The following CACNG3 variants were observed in gnomAD, a reference collection of about 807,000 sequenced individuals.
CACNG3 encodes calcium voltage-gated channel auxiliary subunit gamma 3, also known as voltage-dependent calcium channel gamma-3 subunit.
CACNG3 carries 3 observed loss-of-function variants against 28.5 expected under a neutral mutation model. The ratio of observed to expected loss-of-function variants is 0.11; its 90% CI spans 0.05 to 0.27. CACNG3 has a LOEUF of 0.27. CACNG3 is among the 10% of genes least tolerant of loss of function. The pLI is 1.00. For missense variants in CACNG3, 236 were observed against 414.4 expected (o/e 0.57, Z 3.74); for synonymous variants, 174 against 162.2 (o/e 1.07, Z -0.55).
chr16:24,352,872 C>T (rs1205239445), intron 2 of CACNG3, among the ~76,000 whole-genome samples: 6 of 152,142 alleles, frequency 3.9e-5, no homozygotes, highest in Non-Finnish European at 8.8e-5. Context: ...ACCCGTTACA[C>T]GGGGCTCAGC....
At chr16:24,266,010 G>A (rs951880767) in intron 1 of CACNG3, among the ~76,000 whole-genome samples, 1 of 151,892 alleles carries the variant, frequency 6.6e-6, no homozygotes, top group East Asian at 1.9e-4. Context: ...CTTTTTTCTT[G>A]CACCATCTGC....
At chr16:24,257,756 T>C (rs1293081611) in intron 1 of CACNG3, among the ~76,000 whole-genome samples, 1 of 152,194 alleles carries the variant, frequency 6.6e-6, no homozygotes, top group East Asian at 1.9e-4. Flanking sequence ...TCTCCAAGAA[T>C]TGCAGTTCGT....
chr16:24,293,379 C>T (rs1431901069), intron 1 of CACNG3, among the ~76,000 whole-genome samples: 1 of 152,102 alleles, frequency 6.6e-6, no homozygotes, highest in Non-Finnish European at 1.5e-5. Context: ...CCTTGCCCCT[C>T]TACTTGACAG....
At chr16:24,351,940 T>C (rs1404963496) in intron 2 of CACNG3, among the ~76,000 whole-genome samples, 1 of 148,474 alleles carries the variant, frequency 6.7e-6, no homozygotes, top group Non-Finnish European at 1.5e-5. Context: ...CTCAGCCTCC[T>C]GAGTAGCTGG....
At chr16:24,279,165 AG>A (rs1555458765) in intron 1 of CACNG3, among the ~76,000 whole-genome samples, 4 of 152,230 alleles carry the variant, frequency 2.6e-5, no homozygotes, top group Non-Finnish European at 5.9e-5. Flanking sequence ...ACTTTATTCT[AG>A]GGGAAACAGA....
At chr16:24,306,138 C>T (rs900846162) in intron 1 of CACNG3, among the ~76,000 whole-genome samples, 2 of 152,236 alleles carry the variant, frequency 1.3e-5, no homozygotes, top group Non-Finnish European at 2.9e-5. Flanking sequence ...CACCCAGTTA[C>T]ACCACAACTC....
intron 3 of CACNG3, among the ~76,000 whole-genome samples, chr16:24,356,335 C>A (rs1192408861): frequency 6.6e-6 from 1 of 152,078 alleles, no homozygotes; most frequent in Non-Finnish European, 1.5e-5. Flanking sequence ...CTGGATCCAC[C>A]AATCAGGCCT....
intron 1 of CACNG3, among the ~76,000 whole-genome samples, chr16:24,279,273 G>A (rs889990421): frequency 1.3e-5 from 2 of 152,088 alleles, no homozygotes; most frequent in African/African-American, 4.8e-5. Context: ...GACATGGACT[G>A]GGGAATGGAA....
intron 1 of CACNG3, among the ~76,000 whole-genome samples, chr16:24,292,727 T>A (rs963202229): frequency 2.6e-5 from 4 of 152,246 alleles, no homozygotes; most frequent in Non-Finnish European, 5.9e-5. Context: ...GAGGACAAAT[T>A]GTTTAAAAGC....
At chr16:24,275,046 G>T (rs939782154) in intron 1 of CACNG3, among the ~76,000 whole-genome samples, 1 of 152,108 alleles carries the variant, frequency 6.6e-6, no homozygotes, top group Non-Finnish European at 1.5e-5. Context: ...GATTGGCAAG[G>T]TTGAAACTAT....
At chr16:24,325,897 T>C (rs1272182332) in intron 1 of CACNG3, among the ~76,000 whole-genome samples, 3 of 152,210 alleles carry the variant, frequency 2.0e-5, no homozygotes, top group Non-Finnish European at 4.4e-5. Context: ...CCATTTCAAA[T>C]AAGCGTAAGC....
At chr16:24,269,421 C>T (rs545156737) in intron 1 of CACNG3, among the ~76,000 whole-genome samples, 1 of 152,234 alleles carries the variant, frequency 6.6e-6, no homozygotes, top group East Asian at 1.9e-4. Context: ...GTTTACAATT[C>T]AGCAGCCTGT....
At chr16:24,356,751 T>C (rs1292920421) in intron 3 of CACNG3, among the ~76,000 whole-genome samples, 1 of 152,102 alleles carries the variant, frequency 6.6e-6, no homozygotes, top group South Asian at 2.1e-4. Context: ...TGGGGTTTGC[T>C]GGAAGGAGAC....
intron 1 of CACNG3, among the ~76,000 whole-genome samples, chr16:24,316,416 G>C (rs778716482): frequency 4.0e-5 from 6 of 151,886 alleles, no homozygotes; most frequent in Non-Finnish European, 4.4e-5. Context: ...GGCACACTGA[G>C]AGCATTCTCT....
At chr16:24,331,924 G>A (rs1028013977) in intron 1 of CACNG3, among the ~76,000 whole-genome samples, 3 of 152,082 alleles carry the variant, frequency 2.0e-5, no homozygotes, top group African/African-American at 4.8e-5. Flanking sequence ...CCAATCTCAC[G>A]ACTGTCCTCC....
At chr16:24,349,602 C>G (rs190318228) in intron 2 of CACNG3, among the ~76,000 whole-genome samples, 2 of 152,162 alleles carry the variant, frequency 1.3e-5, no homozygotes, top group African/African-American at 4.8e-5. Flanking sequence ...TAAAGTGTCA[C>G]GGCGCTGGCG....
At chr16:24,327,449 TATATATACACAC>T (rs139412712) in intron 1 of CACNG3, among the ~76,000 whole-genome samples, 16 of 113,660 alleles carry the variant, frequency 1.4e-4, no homozygotes, top group Admixed American at 7.5e-4. Flanking sequence ...TATATATATA[TATATATACACAC>T]ACACACACAC....
chr16:24,297,668 T>A (rs1899050481), intron 1 of CACNG3, among the ~76,000 whole-genome samples: 2 of 152,172 alleles, frequency 1.3e-5, no homozygotes, highest in African/African-American at 4.8e-5. Flanking sequence ...TCTGACATCT[T>A]GCAGCCTCTG....
rs547368455 is a variant in CACNG3, at chr16:24,328,131, A to G, written c.212-18603A>G. Among the ~76,000 whole-genome samples the G allele has an allele frequency of 2.0e-5, 3 of 152,226 alleles. No homozygotes were observed. In the East Asian group the frequency reaches 5.8e-4, roughly 29 times the overall value. On this transcript the variant is annotated intron_variant, in intron 1 of 3. Coordinates refer to ENST00000005284, the MANE Select transcript of CACNG3 (RefSeq NM_006539.4). ...AAACAGACACATCATTAAACTCATA[A>G]TTAATCCTTTGTAATATGTGCCTGA...
Sources: gnomAD v4.1 joint callset for allele counts (sites outside exome capture counted in the v4.1 genomes callset) on GRCh38, gnomAD v4.1.1 for gene constraint, MANE v1.5 for transcripts, NCBI Gene and HGNC (gene_info 2026-07-23, HGNC 2026-07-21) for gene names.